Variants in NAA11 observed in about 807,000 individuals in gnomAD.
The protein encoded by NAA11 is N-alpha-acetyltransferase 11, NatA catalytic subunit.
In NAA11, 15 loss-of-function variants were observed where a neutral mutation model predicts 16.1. The observed-to-expected ratio is 0.93, with a 90% CI of 0.62 to 1.44. NAA11 has a LOEUF of 1.44. NAA11 is among the 40% of genes most tolerant of loss of function. NAA11 has a pLI of 0.00. For missense variants in NAA11, 298 were observed against 291.3 expected (o/e 1.02, Z -0.17); for synonymous variants, 122 against 112.4 (o/e 1.09, Z -0.54).
chr4:79,188,287 C>T, the NAA11 span, among the ~76,000 whole-genome samples: 1 of 151,928 alleles, frequency 6.6e-6, no homozygotes, highest in South Asian at 2.1e-4. Flanking sequence ...AAAATAAAAA[C>T]ATAAAGAGAA....
chr4:79,314,249 CAT>C (rs967242726), downstream of NAA11, among the ~76,000 whole-genome samples: 6 of 152,054 alleles, frequency 3.9e-5, no homozygotes, highest in Admixed American at 3.3e-4. Flanking sequence ...CACCCTTTCC[CAT>C]ATGTTTTATA....
intron 1 of NAA11, among the ~76,000 whole-genome samples, chr4:79,310,089 A>C (rs1298331682): frequency 6.6e-6 from 1 of 152,032 alleles, no homozygotes; most frequent in Non-Finnish European, 1.5e-5. Context: ...TCTGTGAACC[A>C]CTCATTTTCA....
At chr4:79,287,720 C>T (rs1722974986) in intron 2 of NAA11, among the ~76,000 whole-genome samples, 1 of 151,600 alleles carries the variant, frequency 6.6e-6, no homozygotes, top group African/African-American at 2.4e-5. Flanking sequence ...AGAGAGCACC[C>T]CTGGAATTCA....
At chr4:79,319,222 C>T (rs890069785) in intron 1 of NAA11, among the ~76,000 whole-genome samples, 2 of 152,174 alleles carry the variant, frequency 1.3e-5, no homozygotes, top group African/African-American at 4.8e-5. Context: ...GCCGCTGTGC[C>T]CACCCCAAGC....
intron 1 of NAA11, among the ~76,000 whole-genome samples, chr4:79,301,068 CT>C (rs1723369673): frequency 6.6e-6 from 1 of 152,192 alleles, no homozygotes; most frequent in African/African-American, 2.4e-5. Context: ...AATTAGCAAA[CT>C]GATCTATGCA....
At chr4:79,184,087 C>T in the NAA11 span, among the ~76,000 whole-genome samples, 1 of 152,160 alleles carries the variant, frequency 6.6e-6, no homozygotes, top group Non-Finnish European at 1.5e-5. Context: ...AGACCTGATG[C>T]TTCTTCAACT....
chr4:79,192,233 A>AT, the NAA11 span, among the ~76,000 whole-genome samples: 40 of 148,346 alleles, frequency 2.7e-4, 1 homozygote, highest in African/African-American at 6.9e-4. Context: ...GTCATTGATA[A>AT]TTTTTTTTTT....
At chr4:79,239,793 AT>A (rs1721650096) in intron 2 of NAA11, among the ~76,000 whole-genome samples, 1 of 152,168 alleles carries the variant, frequency 6.6e-6, no homozygotes, top group Non-Finnish European at 1.5e-5. Context: ...AGGGATGTCT[AT>A]TTTAATAGTC....
intron 2 of NAA11, among the ~76,000 whole-genome samples, chr4:79,293,102 A>G (rs1362508574): frequency 1.3e-5 from 2 of 152,248 alleles, no homozygotes; most frequent in Non-Finnish European, 2.9e-5. Context: ...TGTTGTATAA[A>G]TAAGAGTGAA....
At chr4:79,230,057 GAACTCATC>G (rs1721420717) in intron 2 of NAA11, among the ~76,000 whole-genome samples, 1 of 151,992 alleles carries the variant, frequency 6.6e-6, no homozygotes, top group Admixed American at 6.6e-5. Context: ...CAAAGGACAT[GAACTCATC>G]ATTTTTTATG....
At chr4:79,281,255 T>C (rs1490477771) in intron 2 of NAA11, among the ~76,000 whole-genome samples, 2 of 150,866 alleles carry the variant, frequency 1.3e-5, no homozygotes, top group Non-Finnish European at 2.9e-5. Flanking sequence ...CCCTCTATAG[T>C]ATGGCTATGC....
chr4:79,254,774 A>G (rs1030767870), intron 2 of NAA11, among the ~76,000 whole-genome samples: 1 of 151,676 alleles, frequency 6.6e-6, no homozygotes, highest in Non-Finnish European at 1.5e-5. Context: ...AAGAAAATAT[A>G]TAAGTCCAAA....
chr4:79,294,281 G>T (rs564087433), intron 1 of NAA11, among the ~76,000 whole-genome samples: 1 of 152,164 alleles, frequency 6.6e-6, no homozygotes, highest in East Asian at 1.9e-4. Flanking sequence ...TTACCACATC[G>T]TCTCCCTTTG....
chr4:79,310,521 G>A (rs1190583720), intron 1 of NAA11, among the ~76,000 whole-genome samples: 1 of 152,138 alleles, frequency 6.6e-6, no homozygotes, highest in Non-Finnish European at 1.5e-5. Flanking sequence ...AGCTTCAGGG[G>A]TTCAAATACA....
chr4:79,188,513 G>A, the NAA11 span, among the ~76,000 whole-genome samples: 1 of 151,282 alleles, frequency 6.6e-6, no homozygotes, highest in Non-Finnish European at 1.5e-5. Flanking sequence ...TGAAGCTGAG[G>A]GGCGGAGCTT....
chr4:79,201,955 C>T, the NAA11 span, among the ~76,000 whole-genome samples: 4 of 151,494 alleles, frequency 2.6e-5, no homozygotes, highest in Admixed American at 2.0e-4. Context: ...TTGTGGGGTA[C>T]AGTGTGAAGT....
chr4:79,245,917 T>C (rs1429474020), intron 2 of NAA11, among the ~76,000 whole-genome samples: 2 of 152,186 alleles, frequency 1.3e-5, no homozygotes, highest in Admixed American at 1.3e-4. Context: ...ATGATGACGA[T>C]GGCGGTTTTG....
chr4:79,303,076 T>TTA (rs59261096), intron 1 of NAA11, among the ~76,000 whole-genome samples: 2,671 of 66,852 alleles, frequency 0.04, 105 homozygotes, highest in Middle Eastern at 0.097. Context: ...TTGAGGCCTT[T>TTA]TATATATATA....
At chr4:79,273,428 A>G (rs946639261) in intron 2 of NAA11, among the ~76,000 whole-genome samples, 1 of 152,076 alleles carries the variant, frequency 6.6e-6, no homozygotes, top group Non-Finnish European at 1.5e-5. Context: ...AGAAAGTTGT[A>G]TTAGATTCTG....
Sources: allele counts gnomAD v4.1 joint callset (sites outside exome capture counted in the v4.1 genomes callset), GRCh38; gene constraint gnomAD v4.1.1; transcripts MANE v1.5; gene names NCBI Gene and HGNC (gene_info 2026-07-23, HGNC 2026-07-21).